Variants in NFASC observed in about 807,000 individuals in gnomAD.
NFASC encodes the protein neurofascin homolog.
In NFASC, 43 loss-of-function variants were observed where a neutral mutation model predicts 147.5. The ratio of observed to expected loss-of-function variants is 0.29; its 90% CI spans 0.23 to 0.38. The LOEUF (loss-of-function observed/expected upper bound fraction) is 0.38, where lower values mean the gene tolerates loss of function less well. NFASC is among the 10% of genes least tolerant of loss of function. The pLI, the probability that NFASC is intolerant of heterozygous loss-of-function variation, is 1.00. For synonymous variants in NFASC, 622 were observed against 665.5 expected (o/e 0.93, Z 1.01); for missense variants, 1,320 against 1,689.0 (o/e 0.78, Z 3.83).
At chr1:204,912,624 G>A (rs969188139) in intron 1 of NFASC, among the ~76,000 whole-genome samples, 2 of 152,114 alleles carry the variant, frequency 1.3e-5, no homozygotes, top group African/African-American at 4.8e-5. Flanking sequence ...GATTTTTTGA[G>A]CCCTGGAATT....
chr1:204,954,399 G>A lies in NFASC; in HGVS notation c.412+15G>A. ...GCAGGTGTCTAGTGAGTAGCGTGGG[G>A]CAGGGCTGAAATGCCCTGCTCCTGG... On this transcript the variant is annotated intron_variant, in intron 6 of 29. Coordinates refer to ENST00000339876, the MANE Select transcript of NFASC (RefSeq NM_001005388.3). This position sits in a 1 kb window ranked among gnomAD's most constrained non-coding sequence, Gnocchi z 5.7. 6.2e-7 allele frequency: 1 copy of A among 1,611,484 alleles called. No homozygotes were observed. Among genetic ancestry groups the A allele is most frequent in the Non-Finnish European group, 8.5e-7 (1 of 1,178,498 alleles).
At chr1:204,905,524 G>A (rs2085648640) in intron 1 of NFASC, among the ~76,000 whole-genome samples, 1 of 152,042 alleles carries the variant, frequency 6.6e-6, no homozygotes, top group Admixed American at 6.6e-5. Context: ...ATCTATTCAA[G>A]TCCTTCGCTT....
chr1:204,981,754 C>A, intron 20 of NFASC, 44 bp from the exon 21 acceptor site: 4 of 1,310,080 alleles, frequency 3.1e-6, no homozygotes, highest in Admixed American at 2.3e-5. Context: ...TGGATCTGGG[C>A]CCCTCTCTGG....
chr1:204,837,934 A>G (rs534527037), intron 1 of NFASC, among the ~76,000 whole-genome samples: 1 of 152,308 alleles, frequency 6.6e-6, no homozygotes, highest in East Asian at 1.9e-4. Context: ...GTTTTGCCTT[A>G]GAACTTTTGG....
chr1:204,860,049 G>A (rs1205265352), intron 1 of NFASC, among the ~76,000 whole-genome samples: 1 of 152,132 alleles, frequency 6.6e-6, no homozygotes, highest in Non-Finnish European at 1.5e-5. Flanking sequence ...TGTGGCGTGG[G>A]CTGCCCTCAT....
intron 8 of NFASC, among the ~76,000 whole-genome samples, chr1:204,962,555 G>T (rs180850100): frequency 6.6e-6 from 1 of 152,252 alleles, no homozygotes; most frequent in East Asian, 1.9e-4. Flanking sequence ...CCTATTGGTA[G>T]TTGAAAGAAC....
At chr1:204,836,278 G>A (rs936206615) in intron 1 of NFASC, among the ~76,000 whole-genome samples, 7 of 151,952 alleles carry the variant, frequency 4.6e-5, no homozygotes, top group African/African-American at 1.7e-4. Context: ...GGCCTTTTTT[G>A]TTGTTCAAAG....
intron 25 of NFASC, chr1:204,999,203 G>A (rs770798724): frequency 2.6e-5 from 4 of 151,620 alleles, no homozygotes; most frequent in Non-Finnish European, 5.9e-5. Context: ...GACCCTTTTT[G>A]TGTTTCTCGG....
At chr1:204,890,721 C>G (rs1477324589) in intron 1 of NFASC, among the ~76,000 whole-genome samples, 2 of 152,092 alleles carry the variant, frequency 1.3e-5, no homozygotes, top group Admixed American at 6.6e-5. Context: ...AGGCGCCCAC[C>G]ACCACACCTG....
chr1:204,852,096 CT>C (rs2075750185), intron 1 of NFASC, among the ~76,000 whole-genome samples: 1 of 152,208 alleles, frequency 6.6e-6, no homozygotes, highest in Non-Finnish European at 1.5e-5. Flanking sequence ...CAGAGAGCAG[CT>C]TTCTGTCTAG....
intron 1 of NFASC, among the ~76,000 whole-genome samples, chr1:204,864,524 A>G (rs189840812): frequency 6.6e-6 from 1 of 152,218 alleles, no homozygotes; most frequent in East Asian, 1.9e-4. Context: ...CCTCACCAAC[A>G]CTTGTTATTT....
intron 27 of NFASC, chr1:205,009,168 G>C: frequency 2.8e-6 from 1 of 358,790 alleles, no homozygotes; most frequent in South Asian, 2.3e-5. Context: ...CTCCACCCTG[G>C]ACTCATCCAT....
chr1:204,963,822 T>C (rs1314437664), intron 8 of NFASC, among the ~76,000 whole-genome samples: 1 of 152,242 alleles, frequency 6.6e-6, no homozygotes, highest in Non-Finnish European at 1.5e-5. Flanking sequence ...ATGACTTCTT[T>C]CTGGAGTGCA....
chr1:204,918,270 C>T (rs879807673), intron 1 of NFASC, among the ~76,000 whole-genome samples: 18 of 152,180 alleles, frequency 1.2e-4, no homozygotes, highest in Admixed American at 6.5e-4. Flanking sequence ...CTAAGGCTAG[C>T]TTGTCCAGCC....
chr1:204,967,458 T>G (rs2095022561), intron 8 of NFASC, among the ~76,000 whole-genome samples: 1 of 152,170 alleles, frequency 6.6e-6, no homozygotes, highest in African/African-American at 2.4e-5. Flanking sequence ...GTGAGCCACC[T>G]GGCCTTCAAG....
chr1:204,917,230 A>G (rs1021113241), intron 1 of NFASC, among the ~76,000 whole-genome samples: 4 of 152,128 alleles, frequency 2.6e-5, no homozygotes, highest in African/African-American at 9.7e-5. Context: ...AATAATAATA[A>G]TATCTACATC....
chr1:204,864,481 C>T (rs1256273132), intron 1 of NFASC, among the ~76,000 whole-genome samples: 3 of 152,198 alleles, frequency 2.0e-5, no homozygotes, highest in Non-Finnish European at 4.4e-5. Context: ...CATTCCCATC[C>T]AGCAGTGTAC....
chr1:204,954,825 C>T lies in NFASC; in HGVS notation c.413-4C>T. Reference sequence around the variant, plus strand: ...CTTTATCCTCTTTGTCCACTTCTCTCCAGAATCTCCTCTGTGGCCCAAGGA... The same window carrying T: ...CTTTATCCTCTTTGTCCACTTCTCTTCAGAATCTCCTCTGTGGCCCAAGGA... On this transcript the variant is annotated splice_polypyrimidine_tract_variant and splice_region_variant and intron_variant, in intron 6 of 29. Transcript: ENST00000339876. This position sits in a 1 kb window ranked among gnomAD's most constrained non-coding sequence, Gnocchi z 5.7. 1 of 1,614,140 alleles carries T rather than the reference C, an allele frequency of 6.2e-7. No individual in the cohort carries two copies. The highest frequency in any genetic ancestry group is 8.5e-7 in the Non-Finnish European group (1 of 1,179,988).
rs2078991908 is a variant in NFASC, at chr1:204,877,016, A to ATATATATATATAATATATATT, written c.-199-43597_-199-43577dup. ...AATATGTATATATATATATATATAT[A>ATATATATATATAATATATATT]TATATATATATAATATATATTTATA... On this transcript the variant is annotated intron_variant, in intron 1 of 29. Transcript: ENST00000339876. 1.6e-4 allele frequency among the ~76,000 whole-genome samples: 18 copies of ATATATATATATAATATATATT among 109,674 alleles called. No individual in the cohort carries two copies. The South Asian group carries it at 2.0e-3, about 12-fold the overall frequency. The allele number at this position is 109,674 out of a possible 152,430, so 72.0% of individuals were successfully genotyped here.
Sources: allele counts gnomAD v4.1 joint callset (sites outside exome capture counted in the v4.1 genomes callset), GRCh38; gene constraint gnomAD v4.1.1; non-coding constraint Gnocchi (gnomAD v3.1); transcripts MANE v1.5; gene names NCBI Gene and HGNC (gene_info 2026-07-23, HGNC 2026-07-21).